DGKB: variants seen among roughly 807,000 people sequenced by gnomAD.
DGKB encodes the protein 90 kDa diacylglycerol kinase.
A neutral mutation model predicts 114.3 loss-of-function variants in DGKB; 67 were observed. The observed-to-expected ratio is 0.59, with a 90% CI of 0.48 to 0.72. The LOEUF (loss-of-function observed/expected upper bound fraction) is 0.72, where lower values mean the gene tolerates loss of function less well. Among genes scored for constraint, DGKB ranks in the 30% least tolerant of loss-of-function variants. The pLI, the probability that DGKB is intolerant of heterozygous loss-of-function variation, is 0.00. For missense variants in DGKB, 907 were observed against 975.2 expected (o/e 0.93, Z 0.93); for synonymous variants, 398 against 323.1 (o/e 1.23, Z -2.49).
At chr7:14,453,755 C>A (rs1007200813) in intron 21 of DGKB, among the ~76,000 whole-genome samples, 1 of 152,144 alleles carries the variant, frequency 6.6e-6, no homozygotes, top group African/African-American at 2.4e-5. Flanking sequence ...TCTGTCACAA[C>A]TCAGCTCTGC....
At chr7:14,595,167 G>A (rs540285484) in intron 17 of DGKB, among the ~76,000 whole-genome samples, 3 of 152,198 alleles carry the variant, frequency 2.0e-5, no homozygotes, top group African/African-American at 7.2e-5. Flanking sequence ...GGGGACAGAA[G>A]TGAGGAGAAA....
At chr7:14,877,518 G>A (rs1042825545) in intron 1 of DGKB, among the ~76,000 whole-genome samples, 4 of 152,214 alleles carry the variant, frequency 2.6e-5, no homozygotes, top group South Asian at 4.2e-4. Context: ...TAGCGCCATT[G>A]CACTCCAGCC....
chr7:14,465,859 C>T (rs1780387548), intron 21 of DGKB, among the ~76,000 whole-genome samples: 1 of 152,128 alleles, frequency 6.6e-6, no homozygotes, highest in South Asian at 2.1e-4. Context: ...GCCCATAGGT[C>T]ACACTTGCTC....
At chr7:14,233,280 A>G (rs1313815346) in intron 23 of DGKB, among the ~76,000 whole-genome samples, 1 of 152,082 alleles carries the variant, frequency 6.6e-6, no homozygotes, top group Non-Finnish European at 1.5e-5. Context: ...TGGTGATCCA[A>G]TGACAAATGG....
At chr7:14,249,581 C>G (rs185301678) in intron 23 of DGKB, among the ~76,000 whole-genome samples, 1 of 152,154 alleles carries the variant, frequency 6.6e-6, no homozygotes, top group Admixed American at 6.5e-5. Context: ...GTGTGTGTTC[C>G]TAGAAATTTA....
chr7:14,782,124 A>T (rs1251903460), intron 2 of DGKB, among the ~76,000 whole-genome samples: 1 of 152,146 alleles, frequency 6.6e-6, no homozygotes, highest in African/African-American at 2.4e-5. Flanking sequence ...TCTCAGGCTC[A>T]AGCAATTCTC....
At chr7:14,483,670 G>A (rs976278653) in intron 20 of DGKB, among the ~76,000 whole-genome samples, 1 of 152,060 alleles carries the variant, frequency 6.6e-6, no homozygotes, top group Non-Finnish European at 1.5e-5. Context: ...TAATAATTTG[G>A]TGATGAGAAG....
intron 23 of DGKB, among the ~76,000 whole-genome samples, chr7:14,243,138 G>C (rs1793934140): frequency 1.3e-5 from 2 of 151,934 alleles, no homozygotes. Context: ...TATACAAAAA[G>C]AGAGGTAGGA....
intron 23 of DGKB, among the ~76,000 whole-genome samples, chr7:14,322,269 T>A (rs6955394): frequency 6.6e-6 from 1 of 151,846 alleles, no homozygotes. Flanking sequence ...GCTTAAAATA[T>A]CTACTATCTG....
At chr7:14,954,023 C>A (rs1258033742) in intron 1 of DGKB, among the ~76,000 whole-genome samples, 1 of 151,956 alleles carries the variant, frequency 6.6e-6, no homozygotes, top group Non-Finnish European at 1.5e-5. Context: ...TTTACTAAGC[C>A]CTCCAGGTGA....
chr7:14,414,129 TA>T lies in DGKB; in HGVS notation c.1835+64031del, dbSNP rs370840755. Among the ~76,000 whole-genome samples, 549 of 152,222 alleles carry T rather than the reference TA, an allele frequency of 3.6e-3. 3 individuals are homozygous for T. The highest frequency in any genetic ancestry group is 0.013 in the African/African-American group (523 of 41,560). On this transcript the variant is annotated intron_variant, in intron 21 of 25. Transcript: ENST00000402815. ...GATGTAAAGTTTCAAAATATATCAA[TA>T]AAAATATAAAGTAGATGAATTAGAG...
rs760460274 is a variant in DGKB at position 14,775,446 on chromosome 7, C to T, written c.71-17715G>A. Among the ~76,000 whole-genome samples, 11 of 148,538 alleles carry T rather than the reference C, an allele frequency of 7.4e-5. No individual in the cohort carries two copies. In the East Asian group the frequency reaches 8.9e-4, roughly 12 times the overall value. ...TATTAGGTTGGTGCAAAAGTAATTG[C>T]GGTTTTTGCCATTGAAAGTGAAGGC... is the stretch of plus-strand genomic sequence containing the variant. On this transcript the variant is annotated intron_variant, in intron 2 of 25. Transcript: ENST00000402815.
chr7:14,965,219 G>C (rs1436008912), intron 1 of DGKB, among the ~76,000 whole-genome samples: 1 of 152,016 alleles, frequency 6.6e-6, no homozygotes, highest in East Asian at 1.9e-4. Flanking sequence ...ACTTGAATGG[G>C]GTTAAGTCAT....
At chr7:14,456,988 T>C (rs1196178394) in intron 21 of DGKB, among the ~76,000 whole-genome samples, 1 of 148,852 alleles carries the variant, frequency 6.7e-6, no homozygotes, top group Non-Finnish European at 1.5e-5. Context: ...TTCCCACAGG[T>C]TTTTCAACAG....
chr7:14,657,833 G>T (rs1395050390), intron 13 of DGKB, among the ~76,000 whole-genome samples: 1 of 151,876 alleles, frequency 6.6e-6, no homozygotes, highest in African/African-American at 2.4e-5. Flanking sequence ...TAGCTGATGT[G>T]TAGCATTGGG....
intron 21 of DGKB, among the ~76,000 whole-genome samples, chr7:14,425,681 G>T (rs1172381170): frequency 6.6e-6 from 1 of 152,076 alleles, no homozygotes; most frequent in Admixed American, 6.6e-5. Context: ...TTTCAGTTTT[G>T]TCTCAGCATT....
rs943516395 is a variant in DGKB, at chr7:14,946,844, A to G, written c.-188+27852T>C. On this transcript the variant is annotated intron_variant, in intron 1 of 4. Coordinates refer to the DGKB transcript ENST00000437998. ...TCTAACATTTGAATCAAGTTCTTCA[A>G]TCTATTTTTATATTATATTTGACAT... Among the ~76,000 whole-genome samples, 4 of 151,824 alleles carry G rather than the reference A, an allele frequency of 2.6e-5. No homozygotes were observed. The Admixed American group carries it at 2.6e-4, about 10-fold the overall frequency.
chr7:14,758,023 G>GT (rs1162247951), intron 2 of DGKB, among the ~76,000 whole-genome samples: 2 of 152,050 alleles, frequency 1.3e-5, no homozygotes, highest in African/African-American at 4.8e-5. Flanking sequence ...ATAGATTTTA[G>GT]TATCTGTAGA....
At chr7:14,645,903 GA>G (rs1309677459) in intron 13 of DGKB, among the ~76,000 whole-genome samples, 2 of 152,192 alleles carry the variant, frequency 1.3e-5, no homozygotes, top group South Asian at 4.1e-4. Context: ...GACAAGGAAT[GA>G]AATGTTATTT....
Sources: gnomAD v4.1 joint callset for allele counts (sites outside exome capture counted in the v4.1 genomes callset) on GRCh38, gnomAD v4.1.1 for gene constraint, MANE v1.5 for transcripts, NCBI Gene and HGNC (gene_info 2026-07-23, HGNC 2026-07-21) for gene names.